EPB41L2: variants seen among roughly 807,000 people sequenced by gnomAD.
EPB41L2 encodes the protein erythrocyte membrane protein band 4.1 like 2.
A neutral mutation model predicts 113.0 loss-of-function variants in EPB41L2; 43 were observed. The ratio of observed to expected loss-of-function variants is 0.38; its 90% CI spans 0.30 to 0.49. EPB41L2 has a LOEUF of 0.49. Ranked by LOEUF, EPB41L2 falls within the 20% of genes least tolerant of loss-of-function variation. The pLI is 0.95. For synonymous variants in EPB41L2, 442 were observed against 436.7 expected (o/e 1.01, Z -0.15); for missense variants, 1,147 against 1,223.4 (o/e 0.94, Z 0.93).
At chr6:130,882,023 T>C (rs1378826214) in intron 12 of EPB41L2, 3 of 152,174 alleles carry the variant, frequency 2.0e-5, no homozygotes, top group Non-Finnish European at 4.4e-5. Context: ...TAGAACACAC[T>C]TGGGTTTCCA....
At chr6:130,867,726 CA>C in intron 15 of EPB41L2, 145 bp from the exon 16 acceptor site, 2 of 1,101,020 alleles carry the variant, frequency 1.8e-6, no homozygotes, top group Non-Finnish European at 2.6e-6. Flanking sequence ...CAACCTAAAA[CA>C]AACAAAAGAA....
chr6:130,972,937 C>CAAAAAAAAAAAAAAAAAAAA (rs57293132), intron 1 of EPB41L2, among the ~76,000 whole-genome samples: 22 of 59,514 alleles, frequency 3.7e-4, no homozygotes, highest in East Asian at 5.9e-4. Flanking sequence ...ACTAAAGATA[C>CAAAAAAAAAAAAAAAAAAAA]AAAAAAAAAA....
chr6:131,015,838 G>C (rs1228196299), intron 1 of EPB41L2: 1 of 152,008 alleles, frequency 6.6e-6, no homozygotes, highest in Non-Finnish European at 1.5e-5. Flanking sequence ...GGCTATGTCT[G>C]CATCTGTAAT....
At chr6:130,867,653 AAATAATAGTAAGAAACAT>A in intron 15 of EPB41L2, 72 bp from the exon 16 acceptor site, 1 of 1,545,910 alleles carries the variant, frequency 6.5e-7, no homozygotes. Context: ...GAACCTTCAC[AAATAATAGTAAGAAACAT>A]ATCCAAACAC....
intron 19 of EPB41L2, among the ~76,000 whole-genome samples, chr6:130,842,474 T>C: frequency 6.6e-6 from 1 of 152,206 alleles, no homozygotes; most frequent in Middle Eastern, 3.2e-3. Context: ...TATTTCCATT[T>C]GCTTTGTTTA....
At chr6:130,887,952 A>AT (rs1791570481) in intron 11 of EPB41L2, among the ~76,000 whole-genome samples, 1 of 151,754 alleles carries the variant, frequency 6.6e-6, no homozygotes, top group Non-Finnish European at 1.5e-5. Flanking sequence ...TTCTAGATTG[A>AT]TTTTCATTTT....
chr6:131,048,082 G>A (rs1236423718), intron 1 of EPB41L2, among the ~76,000 whole-genome samples: 2 of 140,952 alleles, frequency 1.4e-5, no homozygotes, highest in Admixed American at 1.5e-4. Context: ...AGGTTGCAGT[G>A]AGCCGAGATC....
intron 1 of EPB41L2, among the ~76,000 whole-genome samples, chr6:130,998,939 C>T (rs978857292): frequency 2.6e-5 from 4 of 152,184 alleles, no homozygotes; most frequent in Admixed American, 1.3e-4. Context: ...CCTCCACACT[C>T]TGGCCTGACT....
At chr6:131,018,884 A>G (rs1788843004) in intron 1 of EPB41L2, among the ~76,000 whole-genome samples, 1 of 152,208 alleles carries the variant, frequency 6.6e-6, no homozygotes, top group Non-Finnish European at 1.5e-5. Context: ...TATCCGTTCA[A>G]ATCAGGTTTA....
intron 19 of EPB41L2, among the ~76,000 whole-genome samples, chr6:130,842,230 T>C (rs1254334518): frequency 6.6e-6 from 1 of 152,230 alleles, no homozygotes; most frequent in Non-Finnish European, 1.5e-5. Flanking sequence ...CATTGTTTTC[T>C]ACCCTGTTGT....
chr6:130,913,539 A>G (rs1800060094), intron 4 of EPB41L2, among the ~76,000 whole-genome samples: 1 of 152,192 alleles, frequency 6.6e-6, no homozygotes, highest in Non-Finnish European at 1.5e-5. Flanking sequence ...AGTGAGAACT[A>G]AATTAATACC....
At chr6:130,911,783 A>G (rs1176092523) in intron 4 of EPB41L2, among the ~76,000 whole-genome samples, 1 of 152,200 alleles carries the variant, frequency 6.6e-6, no homozygotes, top group Non-Finnish European at 1.5e-5. Flanking sequence ...TCTACCCTCA[A>G]GTTATCACTA....
Position 130,999,789 on chromosome 6 carries a change from C to G in EPB41L2, c.-14-43290G>C, listed in dbSNP as rs17059938. On this transcript the variant is annotated intron_variant, in intron 1 of 19. Transcript: ENST00000337057. ...AAGGGACCCAAGAAAATAACTTAGC[C>G]AACCCTTTATTATGCAGATATTAGA... Among the ~76,000 whole-genome samples the G allele has an allele frequency of 0.012, 1,779 of 152,194 alleles. 192 individuals are homozygous for G. The East Asian group carries it at 0.27, about 23-fold the overall frequency.
chr6:130,942,674 A>G (rs1811274897), intron 3 of EPB41L2, among the ~76,000 whole-genome samples: 1 of 152,168 alleles, frequency 6.6e-6, no homozygotes, highest in Non-Finnish European at 1.5e-5. Context: ...ACATAGGTAT[A>G]CATGTGCCAT....
chr6:131,056,850 C>G (rs1320986631), intron 1 of EPB41L2, among the ~76,000 whole-genome samples: 1 of 152,182 alleles, frequency 6.6e-6, no homozygotes, highest in Admixed American at 6.5e-5. Context: ...CTGATTCCTT[C>G]TAATCAATAT....
chr6:131,051,465 A>AAAAC (rs770424797), intron 1 of EPB41L2, among the ~76,000 whole-genome samples: 66 of 143,630 alleles, frequency 4.6e-4, no homozygotes, highest in Middle Eastern at 7.1e-3. Flanking sequence ...AAAAAAAAAA[A>AAAAC]ACACACACAC....
intron 1 of EPB41L2, among the ~76,000 whole-genome samples, chr6:131,004,737 T>G (rs1027986563): frequency 2.7e-4 from 41 of 152,056 alleles, no homozygotes; most frequent in Admixed American, 1.6e-3. Flanking sequence ...TCCAACAGAC[T>G]AGGGGTGAAG....
At chr6:131,029,373 C>T (rs1420358428) in intron 1 of EPB41L2, among the ~76,000 whole-genome samples, 1 of 147,584 alleles carries the variant, frequency 6.8e-6, no homozygotes, top group African/African-American at 2.5e-5. Flanking sequence ...TCACACCCAC[C>T]CTACTTCAGC....
At chr6:130,974,317 A>C (rs941476184) in intron 1 of EPB41L2, among the ~76,000 whole-genome samples, 9 of 151,672 alleles carry the variant, frequency 5.9e-5, no homozygotes, top group Non-Finnish European at 1.3e-4. Flanking sequence ...TACAACTTAG[A>C]GTAACTGTGA....
Sources: allele counts gnomAD v4.1 joint callset (sites outside exome capture counted in the v4.1 genomes callset), GRCh38; gene constraint gnomAD v4.1.1; transcripts MANE v1.5; gene names NCBI Gene and HGNC (gene_info 2026-07-23, HGNC 2026-07-21).